The following C13orf46 variants were observed in gnomAD, a reference collection of about 807,000 sequenced individuals.
C13orf46 encodes chromosome 13 open reading frame 46.
chr13:113,968,111 C>T (rs928303249), intron 4 of C13orf46, among the ~76,000 whole-genome samples: 1 of 152,208 alleles, frequency 6.6e-6, no homozygotes, highest in Non-Finnish European at 1.5e-5. Flanking sequence ...CACACGGTGC[C>T]ACGTGAGAAC....
chr13:113,950,082 A>G (rs1174814041), downstream of C13orf46, among the ~76,000 whole-genome samples: 236 of 97,860 alleles, frequency 2.4e-3, no homozygotes, highest in Middle Eastern at 0.016. Context: ...CAATGCACCC[A>G]TCTGTAGAGT....
chr13:113,935,128 AG>A, the C13orf46 span, among the ~76,000 whole-genome samples: 5 of 152,188 alleles, frequency 3.3e-5, no homozygotes, highest in African/African-American at 7.2e-5. Flanking sequence ...GCACAGCCCG[AG>A]GGGGGGAACA....
rs2052501240 is a variant in C13orf46, at chr13:113,954,050, A to T, written c.*2723T>A. ...CTGGATGGTGCCCCACTTTGATCAG[A>T]GGAAACTACCCAGTGGGACAAGCTC... On this transcript the variant is annotated 3_prime_UTR_variant, in exon 7 of 7. Transcript: ENST00000636427. 6.6e-6 allele frequency: 1 copy of T among 152,210 alleles called. No individual in the cohort carries two copies. Among genetic ancestry groups the T allele is most frequent in the Non-Finnish European group, 1.5e-5 (1 of 68,082 alleles). 9.4% of individuals were successfully genotyped at this position (152,210 alleles called of 1,614,324 possible).
the C13orf46 span, among the ~76,000 whole-genome samples, chr13:113,943,288 G>A: frequency 6.6e-6 from 1 of 152,210 alleles, no homozygotes; most frequent in Non-Finnish European, 1.5e-5. Flanking sequence ...ATTTTAGGGA[G>A]AATGAGACTT....
chr13:113,968,397 G>A (rs1053152916), intron 4 of C13orf46, 70 bp downstream of exon 4: 2 of 152,192 alleles, frequency 1.3e-5, no homozygotes. Context: ...GGCAGGTCCA[G>A]GCTCCGGCAG....
the C13orf46 span, among the ~76,000 whole-genome samples, chr13:113,945,064 TCCTCCAGGTGTGTGACGGGC>T: frequency 1.5e-5 from 2 of 136,504 alleles, no homozygotes; most frequent in South Asian, 2.4e-4. Context: ...GTGTGATGAG[TCCTCCAGGTGTGTGACGGGC>T]CCTCCAGGTG....
chr13:113,964,529 T>C (rs2052618396), intron 6 of C13orf46, among the ~76,000 whole-genome samples: 1 of 152,214 alleles, frequency 6.6e-6, no homozygotes, highest in Admixed American at 6.5e-5. Flanking sequence ...TCCCACTACC[T>C]GCAGGACCCA....
the C13orf46 span, among the ~76,000 whole-genome samples, chr13:113,938,138 G>C: frequency 6.6e-6 from 1 of 152,160 alleles, no homozygotes; most frequent in Non-Finnish European, 1.5e-5. Context: ...GCTCAAAGGG[G>C]GAGTGGGATG....
At chr13:113,945,657 AAAGAAAGAAAGAAAGG>A in the C13orf46 span, among the ~76,000 whole-genome samples, 1 of 137,740 alleles carries the variant, frequency 7.3e-6, no homozygotes, top group South Asian at 2.2e-4. Flanking sequence ...AGAAAGAAAG[AAAGAAAGAAAGAAAGG>A]AAAGAAAAAC....
chr13:113,937,527 G>A, the C13orf46 span, among the ~76,000 whole-genome samples: 1,137 of 152,272 alleles, frequency 7.5e-3, 13 homozygotes, highest in African/African-American at 0.026. Context: ...ACCAAAAGGC[G>A]TCTGAGATAA....
At chr13:113,967,308 G>C (rs2052659436) in intron 5 of C13orf46, 33 bp downstream of exon 5, 1 of 152,272 alleles carries the variant, frequency 6.6e-6, no homozygotes, top group African/African-American at 2.4e-5. Context: ...TGGTGGCTTT[G>C]GCTCTGCTTG....
downstream of C13orf46, among the ~76,000 whole-genome samples, chr13:113,951,444 C>A (rs2052488228): frequency 2.0e-5 from 3 of 152,168 alleles, no homozygotes; most frequent in Admixed American, 2.0e-4. Context: ...CTCGGCTCTG[C>A]CCGGCCACAC....
At chr13:113,946,522 G>A in the C13orf46 span, among the ~76,000 whole-genome samples, 2 of 152,220 alleles carry the variant, frequency 1.3e-5, no homozygotes, top group Non-Finnish European at 1.5e-5. Flanking sequence ...AGCCGGGTGA[G>A]GTGGTCAGCT....
rs1386881243 is a variant in C13orf46, at chr13:113,955,665, G to T, written c.*1108C>A. ...AGGAGTAGTGTCTGGCAGAGACAAG[G>T]AGTAGTGTCTGGCAGAGACGAGGAG... is the stretch of plus-strand genomic sequence containing the variant. On this transcript the variant is annotated 3_prime_UTR_variant, in exon 7 of 7. Coordinates refer to ENST00000636427, the MANE Select transcript of C13orf46 (RefSeq NM_001365455.2). The T allele has an allele frequency of 6.5e-6, 1 of 154,732 alleles. No individual in the cohort carries two copies. The highest frequency in any genetic ancestry group is 2.6e-5 in the African/African-American group (1 of 38,938). 9.6% of individuals were successfully genotyped at this position (154,732 alleles called of 1,614,324 possible).
chr13:113,945,575 A>G, the C13orf46 span, among the ~76,000 whole-genome samples: 17,766 of 86,324 alleles, frequency 0.21, 2,430 homozygotes, highest in African/African-American at 0.3. Flanking sequence ...GAAAGAAAGA[A>G]AGAGAGAGAG....
In C13orf46 at chr13:113,970,660, A is replaced by G. The variant is rs1172251006; in HGVS notation, c.191-438T>C. Among the ~76,000 whole-genome samples, 5 of 152,308 alleles carry G rather than the reference A, an allele frequency of 3.3e-5. No homozygotes were observed. The East Asian group carries it at 9.7e-4, about 29-fold the overall frequency. ...CTACCCCCAACCCAGGCTTCCTCTC[A>G]CGGACAGGTGGGACTTGAAACCCCA... On this transcript the variant is annotated intron_variant, in intron 1 of 6. Transcript: ENST00000636427.
chr13:113,950,326 A>T (rs2052484024), downstream of C13orf46, among the ~76,000 whole-genome samples: 2 of 74,492 alleles, frequency 2.7e-5, no homozygotes, highest in Non-Finnish European at 2.6e-5. Flanking sequence ...ACCTCAATGC[A>T]CCCATCTGTA....
chr13:113,927,371 G>A, the C13orf46 span: 4 of 394,368 alleles, frequency 1.0e-5, no homozygotes, highest in African/African-American at 6.2e-5. Flanking sequence ...TGCAGCTGGG[G>A]CTGCTCTGGA....
the C13orf46 span, among the ~76,000 whole-genome samples, chr13:113,940,015 G>A: frequency 6.6e-6 from 1 of 152,222 alleles, no homozygotes; most frequent in South Asian, 2.1e-4. Context: ...GGACCAGGAT[G>A]CCCGGGTGGC....
Sources: allele counts gnomAD v4.1 joint callset (sites outside exome capture counted in the v4.1 genomes callset), GRCh38; gene constraint gnomAD v4.1.1; transcripts MANE v1.5; gene names NCBI Gene and HGNC (gene_info 2026-07-23, HGNC 2026-07-21).